PAX1: variants seen among roughly 807,000 people sequenced by gnomAD.
PAX1 encodes paired box 1.
PAX1 carries 18 observed loss-of-function variants against 35.6 expected under a neutral mutation model. The ratio of observed to expected loss-of-function variants is 0.50; its 90% CI spans 0.35 to 0.75. The LOEUF (loss-of-function observed/expected upper bound fraction) is 0.75, where lower values mean the gene tolerates loss of function less well. Ranked by LOEUF, PAX1 falls within the 30% of genes least tolerant of loss-of-function variation. PAX1 has a pLI of 0.01. For missense variants in PAX1, 760 were observed against 661.5 expected (o/e 1.15, Z -1.63); for synonymous variants, 397 against 305.2 (o/e 1.30, Z -3.14).
rs1985328496 is a variant in PAX1, at chr20:21,715,138, T to C, written c.*576T>C. 1 of 404,810 alleles carries C rather than the reference T, an allele frequency of 2.5e-6. No homozygotes were observed. Among genetic ancestry groups the C allele is most frequent in the African/African-American group, 2.1e-5 (1 of 48,474 alleles). 25.1% of individuals were successfully genotyped at this position (404,810 alleles called of 1,614,324 possible). A position where few individuals can be genotyped will look rare whatever the true frequency, so the allele number is the denominator to read the frequency against. ...CTTTTTCCTGGTCCATCCCTGTCGTTCCTTCTCTCTCTGTCTCTGGTTCTA... is the reference window on the plus strand; with the variant it reads ...CTTTTTCCTGGTCCATCCCTGTCGTCCCTTCTCTCTCTGTCTCTGGTTCTA... On this transcript the variant is annotated 3_prime_UTR_variant, in exon 5 of 5. Transcript: ENST00000613128.
Position 21,708,623 on chromosome 20 carries a change from C to G in PAX1, c.982C>G (p.Arg328Gly), listed in dbSNP as rs760037332. The G allele has an allele frequency of 2.5e-6, 4 of 1,613,444 alleles. No individual in the cohort carries two copies. The highest frequency in any genetic ancestry group is 1.1e-5 in the South Asian group (1 of 91,084). The stretch of plus-strand genomic sequence containing the variant: ...GATGGAAGACTGGGCCGGCGTGAAC[C>G]GCACGGCCTTCCCCGCCACCCCCGC... The part of the protein sequence containing the change: ...PKMEDWAGVN[R>G]TAFPATPAVN... The change falls in exon 3 of 5, where the codon CGC (arginine) becomes GGC (glycine). Residue 328 changes from arginine to glycine, a missense_variant. Physicochemically the swap from Arg to Gly is moderately radical, Grantham distance 125 (BLOSUM62 -2). Around this residue, in one of 3 missense-constraint regions of PAX1, gnomAD observed 490 missense variants for 428.4 expected, o/e 1.14. Transcript: ENST00000613128.
intron 4 of PAX1, among the ~76,000 whole-genome samples, chr20:21,710,668 T>C (rs1401906424): frequency 8.9e-6 from 1 of 112,138 alleles, no homozygotes; most frequent in African/African-American, 3.7e-5. Context: ...CTTGATAAGA[T>C]AGGAGGGCAT....
intron 4 of PAX1, among the ~76,000 whole-genome samples, chr20:21,712,646 G>C (rs1019548333): frequency 2.0e-5 from 3 of 152,196 alleles, no homozygotes; most frequent in African/African-American, 7.2e-5. Context: ...TACTGCATAC[G>C]CACAAAGAAA....
rs773441532 is a variant in PAX1, at chr20:21,707,079, C to A, written c.916+12C>A. On this transcript the variant is annotated intron_variant, in intron 2 of 4. Coordinates refer to ENST00000613128, the MANE Select transcript of PAX1 (RefSeq NM_001257096.2). ...TATGGAGCAAACAGGTCAGTTGTGG[C>A]GGCCTCCGTAGCCTTCTATTAAGGG... is the stretch of plus-strand genomic sequence containing the variant. The A allele has an allele frequency of 1.9e-6, 3 of 1,612,940 alleles. No homozygotes were observed. The highest frequency in any genetic ancestry group is 1.3e-5 in the African/African-American group (1 of 75,046).
Position 21,709,293 on chromosome 20 carries a change from C to T in PAX1, c.1131C>T (p.Gly377=), listed in dbSNP as rs373611296. The T allele has an allele frequency of 3.1e-6, 5 of 1,604,174 alleles. No homozygotes were observed. Among genetic ancestry groups the T allele is most frequent in the African/African-American group, 1.3e-5 (1 of 75,038 alleles). The change falls in exon 4 of 5, where the codon GGC becomes GGT. Residue 377 remains glycine, a synonymous_variant. Coordinates refer to ENST00000613128, the MANE Select transcript of PAX1 (RefSeq NM_001257096.2). ...CCTACCCGGCCTCCAACCAGCACGG[C>T]GTGTACAGCGCCCCGGGCGGCGGCT... ...ACAYPASNQH[G]VYSAPGGGYL...
Position 21,706,831 on chromosome 20 carries a change from G to C in PAX1, c.680G>C (p.Ser227Thr). Reference protein sequence around the residue: ...ISRILRNKIGSLAQPGPYEAS... With the variant: ...ISRILRNKIGTLAQPGPYEAS... The stretch of plus-strand genomic sequence containing the variant: ...CGCATCCTGCGCAACAAGATCGGCA[G>C]CCTGGCGCAGCCCGGACCGTACGAG... The change falls in exon 2 of 5, where the codon AGC (serine) becomes ACC (threonine). Residue 227 changes from serine (S) to threonine (T), a missense_variant. Physicochemically the swap from Ser to Thr is moderately conservative, Grantham distance 58. Transcript: ENST00000613128. This position sits in a 1 kb window ranked among gnomAD's most constrained non-coding sequence, Gnocchi z 5.3. 6.2e-7 allele frequency: 1 copy of C among 1,613,492 alleles called. No individual in the cohort carries two copies. Among genetic ancestry groups the C allele is most frequent in the Non-Finnish European group, 8.5e-7 (1 of 1,180,020 alleles).
Position 21,706,322 on chromosome 20 carries a change from C to A in PAX1, c.287-116C>A. On this transcript the variant is annotated intron_variant, in intron 1 of 4. Coordinates refer to ENST00000613128, the MANE Select transcript of PAX1 (RefSeq NM_001257096.2). This position sits in a 1 kb window ranked among gnomAD's most constrained non-coding sequence, Gnocchi z 5.3. ...GGACTCCGAGCTGTCTGGGGACCCA[C>A]AGGTCACCTTTGGAAGTGCGCCTGG... 7.2e-7 allele frequency: 1 copy of A among 1,385,374 alleles called. No homozygotes were observed. The highest frequency in any genetic ancestry group is 1.0e-6 in the Non-Finnish European group (1 of 986,584). The allele number at this position is 1,385,374 out of a possible 1,614,324, so 85.8% of individuals were successfully genotyped here. A position where few individuals can be genotyped will look rare whatever the true frequency, so the allele number is the denominator to read the frequency against.
chr20:21,714,634 C>A lies in PAX1; in HGVS notation c.*72C>A. 6.4e-7 allele frequency: 1 copy of A among 1,573,600 alleles called. No homozygotes were observed. The highest frequency in any genetic ancestry group is 1.7e-4 in the Middle Eastern group (1 of 5,830). ...CCGGGCGCACAGGTCTGCGCGGCGG[C>A]CCCGGCAATCGGCACGGGCAGGATC... On this transcript the variant is annotated 3_prime_UTR_variant, in exon 5 of 5. Coordinates refer to ENST00000613128, the MANE Select transcript of PAX1 (RefSeq NM_001257096.2).
intron 3 of PAX1, 68 bp downstream of exon 3, chr20:21,708,768 A>G: frequency 6.5e-7 from 1 of 1,536,530 alleles, no homozygotes; most frequent in Non-Finnish European, 9.0e-7. Context: ...AGTGGGGAAA[A>G]AGAGAGAGAA....
intron 4 of PAX1, among the ~76,000 whole-genome samples, chr20:21,713,328 A>G (rs1474578352): frequency 1.3e-5 from 2 of 151,752 alleles, no homozygotes; most frequent in Admixed American, 6.6e-5. Context: ...CTGTCCTGGG[A>G]AGGTCTTTAG....
chr20:21,706,019 A>G lies in PAX1; in HGVS notation c.286+21A>G, dbSNP rs1984977980. 3 of 1,451,920 alleles carry G rather than the reference A, an allele frequency of 2.1e-6. No individual in the cohort carries two copies. Among genetic ancestry groups the G allele is most frequent in the Non-Finnish European group, 2.7e-6 (3 of 1,109,272 alleles). 89.9% of individuals were successfully genotyped at this position (1,451,920 alleles called of 1,614,324 possible). A position where few individuals can be genotyped will look rare whatever the true frequency, so the allele number is the denominator to read the frequency against. On this transcript the variant is annotated intron_variant, in intron 1 of 4. Coordinates refer to ENST00000613128, the MANE Select transcript of PAX1 (RefSeq NM_001257096.2). This position sits in a 1 kb window ranked among gnomAD's most constrained non-coding sequence, Gnocchi z 5.3. ...TATGGGTAAGGGGCGGGCGACAGGC[A>G]GGGCTCGGGAGGGCTGATGAGGTGG...
In PAX1 at chr20:21,714,911, C is replaced by A; in HGVS notation, c.*349C>A. The A allele has an allele frequency of 1.1e-6, 1 of 870,824 alleles. No individual in the cohort carries two copies. Among genetic ancestry groups the A allele is most frequent in the Non-Finnish European group, 1.9e-6 (1 of 536,328 alleles). The allele number at this position is 870,824 out of a possible 1,614,324, so 53.9% of individuals were successfully genotyped here. A position where few individuals can be genotyped will look rare whatever the true frequency, so the allele number is the denominator to read the frequency against. On this transcript the variant is annotated 3_prime_UTR_variant, in exon 5 of 5. Coordinates refer to ENST00000613128, the MANE Select transcript of PAX1 (RefSeq NM_001257096.2). ...TTGTCCGTCTCCGTCTCGCCTCTCT[C>A]CCTGTTTCCTTCCCCCCTCTTTCTT...
intron 4 of PAX1, among the ~76,000 whole-genome samples, chr20:21,710,362 C>A (rs551994619): frequency 6.6e-6 from 1 of 152,150 alleles, no homozygotes; most frequent in Non-Finnish European, 1.5e-5. Flanking sequence ...TTGCTAAGTT[C>A]AAACTTGCCA....
In PAX1 at chr20:21,706,441, A is replaced by G. The variant is rs763439353; in HGVS notation, c.290A>G (p.Gln97Arg). The change falls in exon 2 of 5, where the codon CAG (glutamine) becomes CGG (arginine). Residue 97 changes from glutamine to arginine, a missense_variant. Physicochemically the swap from Gln to Arg is conservative, Grantham distance 43. Transcript: ENST00000613128. This position sits in a 1 kb window ranked among gnomAD's most constrained non-coding sequence, Gnocchi z 5.3. Reference protein sequence around the residue: ...RQLAGPLAMEQTYGEVNQLGG... With the variant: ...RQLAGPLAMERTYGEVNQLGG... ...CTCTTGTCTGGCGCATCCGCAGAGC[A>G]GACGTATGGCGAGGTGAACCAGCTG... 3.1e-6 allele frequency: 5 copies of G among 1,611,100 alleles called. No individual in the cohort carries two copies. The highest frequency in any genetic ancestry group is 4.2e-6 in the Non-Finnish European group (5 of 1,179,112).
rs1985084004 is a variant in PAX1 at position 21,708,405 on chromosome 20, C to T, written c.917-153C>T. On this transcript the variant is annotated intron_variant, in intron 2 of 4. Coordinates refer to ENST00000613128, the MANE Select transcript of PAX1 (RefSeq NM_001257096.2). ...CGCCCCACCCGGAGTGGTGAACATTCCAGTCCCTGCCGCCTCCTGGTGGAG... is the reference window on the plus strand; with the variant it reads ...CGCCCCACCCGGAGTGGTGAACATTTCAGTCCCTGCCGCCTCCTGGTGGAG... The T allele has an allele frequency of 3.4e-6, 3 of 880,794 alleles. No individual in the cohort carries two copies. In the African/African-American group the frequency reaches 4.9e-5, roughly 14 times the overall value. 54.6% of individuals were successfully genotyped at this position (880,794 alleles called of 1,614,324 possible). A position where few individuals can be genotyped will look rare whatever the true frequency, so the allele number is the denominator to read the frequency against.
Position 21,709,266 on chromosome 20 carries a change from C to T in PAX1, c.1104C>T (p.Cys368=), listed in dbSNP as rs1158294764. The change falls in exon 4 of 5, where the codon TGC becomes TGT. Residue 368 remains cysteine (C), a synonymous_variant. Coordinates refer to ENST00000613128, the MANE Select transcript of PAX1 (RefSeq NM_001257096.2). ...CCGTGGGCGGCTTTCTCCCCGCCTG[C>T]GCCTACCCGGCCTCCAACCAGCACG... ...LSAVGGFLPA[C]AYPASNQHGV... 2 of 1,606,188 alleles carry T rather than the reference C, an allele frequency of 1.2e-6. No individual in the cohort carries two copies. Among genetic ancestry groups the T allele is most frequent in the African/African-American group, 1.3e-5 (1 of 75,052 alleles).
In PAX1 at chr20:21,705,999, G is replaced by A; in HGVS notation, c.286+1G>A. 1.4e-6 allele frequency: 2 copies of A among 1,476,934 alleles called. No homozygotes were observed. The highest frequency in any genetic ancestry group is 1.8e-6 in the Non-Finnish European group (2 of 1,122,268). 91.5% of individuals were successfully genotyped at this position (1,476,934 alleles called of 1,614,324 possible). A position where few individuals can be genotyped will look rare whatever the true frequency, so the allele number is the denominator to read the frequency against. Reference sequence around the variant, plus strand: ...CAGCTGGCCGGCCCGCTCGCTATGGGTAAGGGGCGGGCGACAGGCAGGGCT... The same window carrying A: ...CAGCTGGCCGGCCCGCTCGCTATGGATAAGGGGCGGGCGACAGGCAGGGCT... On this transcript the variant is annotated splice_donor_variant, in intron 1 of 4. Coordinates refer to ENST00000613128, the MANE Select transcript of PAX1 (RefSeq NM_001257096.2). LOFTEE classifies it high-confidence loss of function.
chr20:21,712,804 G>T (rs1188687593), intron 4 of PAX1, among the ~76,000 whole-genome samples: 1 of 152,124 alleles, frequency 6.6e-6, no homozygotes, highest in Non-Finnish European at 1.5e-5. Context: ...TGGCAACCCC[G>T]GCCTCCGTTT....
chr20:21,707,150 C>A, intron 2 of PAX1, 83 bp downstream of exon 2: 1 of 1,547,530 alleles, frequency 6.5e-7, no homozygotes, highest in Non-Finnish European at 8.8e-7. Flanking sequence ...CTCACACTCG[C>A]TCTCCTCCCG....
Sources: allele counts gnomAD v4.1 joint callset (sites outside exome capture counted in the v4.1 genomes callset), GRCh38; gene constraint gnomAD v4.1.1; regional missense constraint gnomAD v4.1.1; non-coding constraint Gnocchi (gnomAD v3.1); transcripts MANE v1.5; gene names NCBI Gene and HGNC (gene_info 2026-07-23, HGNC 2026-07-21).